SULF1: variants seen among roughly 807,000 people sequenced by gnomAD.
SULF1 encodes sulfatase 1, also known as extracellular sulfatase Sulf-1.
A neutral mutation model predicts 110.5 loss-of-function variants in SULF1; 46 were observed. The ratio of observed to expected loss-of-function variants is 0.42; its 90% confidence interval spans 0.33 to 0.53. The LOEUF (loss-of-function observed/expected upper bound fraction) is 0.53, where lower values mean the gene tolerates loss of function less well. Among genes scored for constraint, SULF1 ranks in the 20% least tolerant of loss-of-function variants. The pLI, the probability that SULF1 is intolerant of heterozygous loss-of-function variation, is 0.12. For synonymous variants in SULF1, 371 were observed against 387.1 expected, an observed-to-expected ratio of 0.96 and a Z score of 0.49; for missense variants, 941 against 1,094.2, an observed-to-expected ratio of 0.86 and a Z score of 1.98.
In SULF1 at chr8:69,498,123, A is replaced by G. The variant is rs1051065749; in HGVS notation, c.-229+2197A>G. Among the ~76,000 whole-genome samples the G allele has an allele frequency of 3.3e-4, 33 of 98,548 alleles. No individual in the cohort carries two copies. In the South Asian group the frequency reaches 0.012, roughly 34 times the overall value. The allele number at this position is 98,548 out of a possible 152,430, so 64.7% of individuals were successfully genotyped here. On this transcript the variant is annotated intron_variant, in intron 2 of 22. Transcript: ENST00000402687. ...TGTCTCTCTCTCTCTCCACACACACACACACACACACACACACACACACAC... is the reference window on the plus strand; with the variant it reads ...TGTCTCTCTCTCTCTCCACACACACGCACACACACACACACACACACACAC...
Position 69,583,642 on chromosome 8 carries a change from A to G in SULF1, c.413-2715A>G, listed in dbSNP as rs1003346198. ...AAAGTCTAGACCTCGTAAAGTCCCC[A>G]GAATACATTGGATTCATGAACCCAA... On this transcript the variant is annotated intron_variant, in intron 6 of 22. Coordinates refer to ENST00000402687, the MANE Select transcript of SULF1 (RefSeq NM_001128205.2). Among the ~76,000 whole-genome samples, 6 of 152,336 alleles carry G rather than the reference A, an allele frequency of 3.9e-5. No homozygotes were observed. The South Asian group carries it at 1.2e-3, about 32-fold the overall frequency.
intron 3 of SULF1, among the ~76,000 whole-genome samples, chr8:69,508,122 T>G (rs80331599): frequency 6.7e-6 from 1 of 149,594 alleles, no homozygotes; most frequent in Non-Finnish European, 1.5e-5. Flanking sequence ...TTTTTTTTTT[T>G]GAGATGGAGT....
At chr8:69,604,387 T>A (rs939624072) in intron 12 of SULF1, among the ~76,000 whole-genome samples, 3 of 152,234 alleles carry the variant, frequency 2.0e-5, no homozygotes, top group African/African-American at 7.2e-5. Context: ...TAGATAAATG[T>A]ATGCCATTGT....
chr8:69,476,471 A>G (rs1434748557), intron 1 of SULF1, among the ~76,000 whole-genome samples: 1 of 152,234 alleles, frequency 6.6e-6, no homozygotes, highest in Non-Finnish European at 1.5e-5. Flanking sequence ...TATATGTTGG[A>G]GGCAGCATGA....
In SULF1 at chr8:69,604,798, C is replaced by G; in HGVS notation, c.1248-5C>G. 6.2e-7 allele frequency: 1 copy of G among 1,613,276 alleles called. No individual in the cohort carries two copies. Among genetic ancestry groups the G allele is most frequent in the South Asian group, 1.1e-5 (1 of 91,030 alleles). On this transcript the variant is annotated splice_polypyrimidine_tract_variant and splice_region_variant and intron_variant, in intron 12 of 22. Transcript: ENST00000402687. The stretch of plus-strand genomic sequence containing the variant: ...ATGTACGAAGCTTTTCCCTTTTTGT[C>G]GAAGCAAATTTCTACGTAAGAAGGA...
rs142941992 is a variant in SULF1, at chr8:69,618,780, T to A, written c.1378-2255T>A. On this transcript the variant is annotated intron_variant, in intron 13 of 22. Transcript: ENST00000402687. ...GTATCTCTAGGATTTGGGGATTATA[T>A]AGTAGAAGCCAAAAAGCAGCTCTGA... Among the ~76,000 whole-genome samples the A allele has an allele frequency of 7.9e-5, 12 of 152,332 alleles. No individual in the cohort carries two copies. The East Asian group carries it at 1.9e-3, about 24-fold the overall frequency.
chr8:69,598,674 G>A (rs1173077702), intron 8 of SULF1, among the ~76,000 whole-genome samples: 1 of 152,196 alleles, frequency 6.6e-6, no homozygotes, highest in African/African-American at 2.4e-5. Context: ...TTACAGGCGT[G>A]AGCCACCATG....
chr8:69,594,480 C>A (rs1171433733), intron 8 of SULF1, among the ~76,000 whole-genome samples: 1 of 152,104 alleles, frequency 6.6e-6, no homozygotes, highest in East Asian at 1.9e-4. Flanking sequence ...GTAAAACAGT[C>A]CATGTGCACT....
In SULF1 at chr8:69,659,533, A is replaced by G. The variant is rs1161340925; in HGVS notation, c.*998A>G. On this transcript the variant is annotated 3_prime_UTR_variant, in exon 23 of 23. Coordinates refer to ENST00000402687, the MANE Select transcript of SULF1 (RefSeq NM_001128205.2). Reference sequence around the variant, plus strand: ...AAGAGTAGAAAGAAAGGCTGGGGATATTTGGGTTGGCTTGGTTTTGATTTT... The same window carrying G: ...AAGAGTAGAAAGAAAGGCTGGGGATGTTTGGGTTGGCTTGGTTTTGATTTT... 4.0e-6 allele frequency: 1 copy of G among 250,078 alleles called. No homozygotes were observed. Among genetic ancestry groups the G allele is most frequent in the Non-Finnish European group, 7.9e-6 (1 of 127,052 alleles). The allele number at this position is 250,078 out of a possible 1,614,324, so 15.5% of individuals were successfully genotyped here. A position where few individuals can be genotyped will look rare whatever the true frequency, so the allele number is the denominator to read the frequency against.
chr8:69,627,408 T>A, intron 16 of SULF1, 102 bp downstream of exon 16: 1 of 770,340 alleles, frequency 1.3e-6, no homozygotes, highest in Non-Finnish European at 2.1e-6. Context: ...ACATCATCTA[T>A]AATTATGTGA....
intron 13 of SULF1, among the ~76,000 whole-genome samples, chr8:69,607,619 C>T (rs113904818): frequency 0.046 from 6,970 of 152,332 alleles, 201 homozygotes; most frequent in Middle Eastern, 0.082. Context: ...CCACCTTGAC[C>T]TCCCAAAGTG....
Position 69,630,004 on chromosome 8 carries a change from C to T in SULF1, c.2284+325C>T, listed in dbSNP as rs553167565. On this transcript the variant is annotated intron_variant, in intron 19 of 22. Coordinates refer to ENST00000402687, the MANE Select transcript of SULF1 (RefSeq NM_001128205.2). The stretch of plus-strand genomic sequence containing the variant: ...TAAATAACGCAAGGGATGAACATCC[C>T]GTAAATGGATGAACAATTTTGCCCC... Among the ~76,000 whole-genome samples the T allele has an allele frequency of 1.8e-4, 28 of 152,214 alleles. 1 individual carries two copies. Among genetic ancestry groups the T allele is most frequent in the South Asian group, 1.2e-3 (6 of 4,812 alleles).
chr8:69,586,353 G>A lies in SULF1; in HGVS notation c.413-4G>A. On this transcript the variant is annotated splice_region_variant and splice_polypyrimidine_tract_variant and intron_variant, in intron 6 of 22. Coordinates refer to ENST00000402687, the MANE Select transcript of SULF1 (RefSeq NM_001128205.2). ...AAAAAAATAATTCTTTTTTCCCACT[G>A]CAGCCTTTTTTGGAAAATACCTCAA... 1 of 1,549,168 alleles carries A rather than the reference G, an allele frequency of 6.5e-7. No homozygotes were observed. The highest frequency in any genetic ancestry group is 2.3e-5 in the East Asian group (1 of 42,682).
intron 5 of SULF1, among the ~76,000 whole-genome samples, chr8:69,569,392 G>T (rs1252125173): frequency 6.6e-6 from 1 of 151,960 alleles, no homozygotes; most frequent in Admixed American, 6.5e-5. Context: ...AGATTCTGAC[G>T]TTTCTTGAAA....
chr8:69,553,749 C>A (rs1248730175), intron 3 of SULF1, among the ~76,000 whole-genome samples: 1 of 152,098 alleles, frequency 6.6e-6, no homozygotes, highest in Non-Finnish European at 1.5e-5. Context: ...TTTATATATA[C>A]CCTAATCAAG....
Position 69,480,136 on chromosome 8 carries a change from T to G in SULF1, c.-391+13186T>G, listed in dbSNP as rs1234323225. Among the ~76,000 whole-genome samples, 3 of 152,216 alleles carry G rather than the reference T, an allele frequency of 2.0e-5. No homozygotes were observed. The East Asian group carries it at 5.8e-4, about 29-fold the overall frequency. On this transcript the variant is annotated intron_variant, in intron 1 of 22. Coordinates refer to the SULF1 transcript ENST00000260128. The stretch of plus-strand genomic sequence containing the variant: ...TAGAGAAACTTCTTTGTAAAAGCAT[T>G]TTTTAACATACACTTAAAGAACACA...
chr8:69,613,937 CT>C (rs1808868718), intron 13 of SULF1, among the ~76,000 whole-genome samples: 1 of 151,868 alleles, frequency 6.6e-6, no homozygotes, highest in Admixed American at 6.6e-5. Context: ...CTGCAATTTG[CT>C]CAAAGCCATA....
chr8:69,476,970 A>G (rs1286773212), intron 1 of SULF1, among the ~76,000 whole-genome samples: 2 of 152,220 alleles, frequency 1.3e-5, no homozygotes, highest in African/African-American at 4.8e-5. Flanking sequence ...CACTTAGGTC[A>G]ATGGGCCAGG....
Position 69,553,107 on chromosome 8 carries a change from C to T in SULF1, c.-133-10432C>T, listed in dbSNP as rs573627466. On this transcript the variant is annotated intron_variant, in intron 3 of 22. Coordinates refer to ENST00000402687, the MANE Select transcript of SULF1 (RefSeq NM_001128205.2). ...TTCCAGAACACCTCCTTCACATTAG[C>T]TCTCCAAAGTCAGGCTTGCTAACCT... is the stretch of plus-strand genomic sequence containing the variant. 2.0e-5 allele frequency among the ~76,000 whole-genome samples: 3 copies of T among 152,352 alleles called. No individual in the cohort carries two copies. In the East Asian group the frequency reaches 5.8e-4, roughly 29 times the overall value.
Sources: gnomAD v4.1 joint callset for allele counts (sites outside exome capture counted in the v4.1 genomes callset) on GRCh38, gnomAD v4.1.1 for gene constraint, MANE v1.5 for transcripts, NCBI Gene and HGNC (gene_info 2026-07-23, HGNC 2026-07-21) for gene names.